DNAJB1: variants seen among roughly 807,000 people sequenced by gnomAD.
DNAJB1 encodes the protein dnaJ homolog subfamily B member 1.
A neutral mutation model predicts 24.0 loss-of-function variants in DNAJB1; 14 were observed. That is an observed-to-expected ratio of 0.58 (90% CI 0.39 to 0.91). DNAJB1 has a LOEUF of 0.91. Among genes scored for constraint, DNAJB1 ranks in the 40% least tolerant of loss-of-function variants. DNAJB1 has a pLI of 0.00. For synonymous variants in DNAJB1, 262 were observed against 174.4 expected (o/e 1.50, Z -3.96); for missense variants, 517 against 458.1 (o/e 1.13, Z -1.17).
intron 1 of DNAJB1, among the ~76,000 whole-genome samples, chr19:14,543,648 C>T (rs1281659874): frequency 2.7e-5 from 4 of 148,980 alleles, no homozygotes; most frequent in Non-Finnish European, 4.5e-5. Context: ...CCGTGTTAGC[C>T]AGGATGGTCT....
chr19:14,554,787 T>C (rs2073659807), upstream of DNAJB1, among the ~76,000 whole-genome samples: 1 of 146,418 alleles, frequency 6.8e-6, no homozygotes, highest in Non-Finnish European at 1.5e-5. Flanking sequence ...TGCCTTGTGC[T>C]TTTTTTTTTT....
intron 1 of DNAJB1, among the ~76,000 whole-genome samples, chr19:14,537,871 G>C (rs902844409): frequency 1.3e-5 from 2 of 150,138 alleles, no homozygotes; most frequent in Non-Finnish European, 2.9e-5. Context: ...TTAGTCTCCC[G>C]AGTAGCTGGG....
At chr19:14,547,636 A>G (rs57190968) in intron 1 of DNAJB1, among the ~76,000 whole-genome samples, 323 of 150,026 alleles carry the variant, frequency 2.2e-3, no homozygotes, top group African/African-American at 7.5e-3. Flanking sequence ...TTCTGGGATT[A>G]CAGGTGTGAG....
chr19:14,530,068 C>T (rs919806149), upstream of DNAJB1: 10 of 400,414 alleles, frequency 2.5e-5, no homozygotes, highest in Non-Finnish European at 4.2e-5. Flanking sequence ...GGGAGTCTTG[C>T]ACAAATCTTG....
intron 1 of DNAJB1, among the ~76,000 whole-genome samples, chr19:14,545,355 C>T (rs902025096): frequency 6.6e-6 from 1 of 152,244 alleles, no homozygotes; most frequent in Non-Finnish European, 1.5e-5. Context: ...GCTGAAATCC[C>T]ATTTCCTCAG....
Position 14,516,472 on chromosome 19 carries a change from G to C in DNAJB1, c.786C>G (p.Leu262=). ...SDVIYPARIS[L]REALCGCTVN... ...GCCCCACCTGGCACCTTACCTCCCG[G>C]AGGCTGATCCTGGCAGGATAAATGA... Residue 262 remains leucine, a synonymous_variant, in exon 2 of 3, where the codon CTC becomes CTG. Transcript: ENST00000254322. 6.2e-7 allele frequency: 1 copy of C among 1,611,124 alleles called. No individual in the cohort carries two copies. Among genetic ancestry groups the C allele is most frequent in the Non-Finnish European group, 8.5e-7 (1 of 1,177,538 alleles).
At chr19:14,519,344 C>T (rs1254749091), upstream of DNAJB1, among the ~76,000 whole-genome samples, 2 of 152,068 alleles carry the variant, frequency 1.3e-5, no homozygotes, top group Non-Finnish European at 2.9e-5. Context: ...ACTCCAGCCT[C>T]GGCAACAGAG....
intron 1 of DNAJB1, among the ~76,000 whole-genome samples, chr19:14,556,160 C>G (rs908099538): frequency 3.9e-5 from 6 of 152,348 alleles, no homozygotes; most frequent in African/African-American, 1.4e-4. Flanking sequence ...CTGACTCACT[C>G]TGCTCAGGCC....
At chr19:14,544,989 C>G in intron 1 of DNAJB1, 2 of 409,278 alleles carry the variant, frequency 4.9e-6, no homozygotes, top group Non-Finnish European at 9.9e-6. Context: ...GTGTCCTTTT[C>G]ACTCCTTCCC....
chr19:14,535,525 A>T (rs1705356358), intron 1 of DNAJB1, among the ~76,000 whole-genome samples: 1 of 60,340 alleles, frequency 1.7e-5, no homozygotes, highest in African/African-American at 8.2e-5. Flanking sequence ...AAAAAAAAAA[A>T]AAAAAAAAAA....
chr19:14,516,187 A>T lies in DNAJB1; in HGVS notation c.793-17T>A, dbSNP rs1263291420. ...ACACAGAGCCTTGAAAAGCAAAAGG[A>T]CAGCATTAGATGGAAGCTGGCTCAA... On this transcript the variant is annotated splice_polypyrimidine_tract_variant and intron_variant, in intron 2 of 2. Transcript: ENST00000254322. 5.6e-6 allele frequency: 9 copies of T among 1,612,822 alleles called. No homozygotes were observed. In the African/African-American group the frequency reaches 9.4e-5, roughly 17 times the overall value.
rs1382191670 is a variant in DNAJB1, at chr19:14,517,798, G to A, written c.211+341C>T. ...CCGGCGGCCGAGCCCAGGTGAGCCC[G>A]GGTCCGCAGCGGGCTCCGCCGCGCC... On this transcript the variant is annotated intron_variant, in intron 1 of 2. Transcript: ENST00000254322. 5 of 228,356 alleles carry A rather than the reference G, an allele frequency of 2.2e-5. No homozygotes were observed. The East Asian group carries it at 2.5e-4, about 12-fold the overall frequency. The allele number at this position is 228,356 out of a possible 1,614,324, so 14.1% of individuals were successfully genotyped here.
chr19:14,544,411 A>G (rs2073231728), intron 1 of DNAJB1, among the ~76,000 whole-genome samples: 1 of 152,028 alleles, frequency 6.6e-6, no homozygotes, highest in Non-Finnish European at 1.5e-5. Flanking sequence ...GGACAGGCTC[A>G]GCCGTTCAGC....
rs2072313193 is a variant in DNAJB1, at chr19:14,518,301, C to T, written c.49G>A (p.Asp17Asn). 2.5e-6 allele frequency: 4 copies of T among 1,608,298 alleles called. No homozygotes were observed. The East Asian group carries it at 9.0e-5, about 36-fold the overall frequency. ...QTLGLARGAS[D>N]EEIKRAYRRQ... ...CGGTAGGCCCGCTTGATCTCCTCGT[C>T]CGACGCGCCGCGGGCCAGGCCCAAC... is the stretch of plus-strand genomic sequence containing the variant. Residue 17 changes from aspartate to asparagine, a missense_variant, in exon 1 of 3, where the codon GAC (aspartate) becomes AAC (asparagine). Transcript: ENST00000254322.
In DNAJB1 at chr19:14,527,165, CTTTTTTTTTTTTTTTTTTTT is replaced by C. The variant is rs369143149; in HGVS notation, c.-90+541_-90+560del. Among the ~76,000 whole-genome samples the C allele has an allele frequency of 4.1e-4, 17 of 41,306 alleles. 2 individuals carry two copies. Among genetic ancestry groups the C allele is most frequent in the African/African-American group, 1.6e-3 (15 of 9,252 alleles). 27.1% of individuals were successfully genotyped at this position (41,306 alleles called of 152,430 possible). ...AACTGCCACCAGAAAAATATCTCTG[CTTTTTTTTTTTTTTTTTTTT>C]TTTTTTTTTTTTTGAGACGGAGTTT... On this transcript the variant is annotated intron_variant, in intron 2 of 3. Transcript: ENST00000396969.
At chr19:14,527,165 C>CTTTT (rs369143149) in intron 2 of DNAJB1, among the ~76,000 whole-genome samples, 1,490 of 41,284 alleles carry the variant, frequency 0.036, 356 homozygotes, top group Middle Eastern at 0.05. Context: ...AATATCTCTG[C>CTTTT]TTTTTTTTTT....
At chr19:14,538,781 T>A (rs2072995132) in intron 1 of DNAJB1, among the ~76,000 whole-genome samples, 1 of 151,988 alleles carries the variant, frequency 6.6e-6, no homozygotes, top group African/African-American at 2.4e-5. Flanking sequence ...TCCACCCGCC[T>A]CAGCCTCCCA....
Position 14,518,370 on chromosome 19 carries a change from C to T in DNAJB1, c.-21G>A. 3.3e-6 allele frequency: 5 copies of T among 1,531,550 alleles called. No homozygotes were observed. The highest frequency in any genetic ancestry group is 3.5e-6 in the Non-Finnish European group (4 of 1,149,232). The allele number at this position is 1,531,550 out of a possible 1,614,324, so 94.9% of individuals were successfully genotyped here. A position where few individuals can be genotyped will look rare whatever the true frequency, so the allele number is the denominator to read the frequency against. ...CCCATGACCCCCTCCTGCGGCCCGC[C>T]GACCCGCTGTCGCCGTCCCCCGGCT... On this transcript the variant is annotated 5_prime_UTR_variant, in exon 1 of 3. Transcript: ENST00000254322.
intron 1 of DNAJB1, chr19:14,517,334 G>A (rs2072286991): frequency 2.7e-6 from 1 of 367,108 alleles, no homozygotes; most frequent in East Asian, 4.5e-5. Flanking sequence ...CATCCTCCTG[G>A]CAACATCACC....
Sources: gnomAD v4.1 joint callset for allele counts (sites outside exome capture counted in the v4.1 genomes callset) on GRCh38, gnomAD v4.1.1 for gene constraint, MANE v1.5 for transcripts, NCBI Gene and HGNC (gene_info 2026-07-23, HGNC 2026-07-21) for gene names.